Variants in PITPNM3 observed in about 807,000 individuals in gnomAD.
The protein encoded by PITPNM3 is membrane-associated phosphatidylinositol transfer protein 3.
In PITPNM3, 26 loss-of-function variants were observed where a neutral mutation model predicts 102.0. That is an observed-to-expected ratio of 0.25 (90% confidence interval 0.19 to 0.35). The LOEUF is 0.35. Ranked by LOEUF, PITPNM3 falls within the 10% of genes least tolerant of loss-of-function variation. The probability of loss-of-function intolerance (pLI) is 1.00; values close to 1 mark genes in which losing one functional copy is unlikely to be tolerated. For synonymous variants in PITPNM3, 578 were observed against 558.6 expected, an observed-to-expected ratio of 1.03 and a Z score of -0.49; for missense variants, 1,083 against 1,346.1, an observed-to-expected ratio of 0.80 and a Z score of 3.06.
In PITPNM3 at chr17:6,457,566, C is replaced by T. The variant is rs933716937; in HGVS notation, c.2619+28G>A. On this transcript the variant is annotated intron_variant, in intron 19 of 19. Transcript: ENST00000262483. This position sits in a 1 kb window ranked among gnomAD's most constrained non-coding sequence, Gnocchi z 4.7. ...CCTTTCCCTGACCTCCCTCACAACT[C>T]CCCGCCTCCAGCCCCGCCTCCACCC... 2 of 1,611,742 alleles carry T rather than the reference C, an allele frequency of 1.2e-6. No individual in the cohort carries two copies. Among genetic ancestry groups the T allele is most frequent in the Admixed American group, 1.7e-5 (1 of 59,948 alleles).
At position 6,503,561 on chromosome 17, in the gene PITPNM3, C is replaced by T. The variant is rs150367088; in HGVS notation, c.240G>A (p.Ala80=). 80 of 1,611,766 alleles carry T rather than the reference C, an allele frequency of 5.0e-5. 1 individual carries two copies. In the African/African-American group the frequency reaches 5.5e-4, roughly 11 times the overall value. ...KLDEHQGEGT[A]PCTSSILQEK... is the part of the protein sequence containing the mutation. ...CCTGGAGGATGCTGGATGTGCACGG[C>T]GCGGTCCCTTCTCCTGCAGAAAAAG... The change falls in exon 4 of 20, where the codon GCG becomes GCA. Residue 80 remains alanine (A), a synonymous_variant. Transcript: ENST00000262483.
chr17:6,476,383 G>C (rs1905299965), intron 9 of PITPNM3, among the ~76,000 whole-genome samples: 1 of 152,206 alleles, frequency 6.6e-6, no homozygotes, highest in Non-Finnish European at 1.5e-5. Flanking sequence ...TTGGGTCCAA[G>C]TTCAATTAAC....
At chr17:6,487,003 G>A (rs1009330510) in intron 4 of PITPNM3, among the ~76,000 whole-genome samples, 1 of 152,158 alleles carries the variant, frequency 6.6e-6, no homozygotes, top group Non-Finnish European at 1.5e-5. Context: ...TTTCCACCAC[G>A]TGAACTAGTA....
At chr17:6,512,399 C>T (rs754822653) in intron 3 of PITPNM3, among the ~76,000 whole-genome samples, 1 of 152,214 alleles carries the variant, frequency 6.6e-6, no homozygotes, top group Non-Finnish European at 1.5e-5. Flanking sequence ...AGATGTCCAA[C>T]TCAGTGACTG....
chr17:6,515,960 C>T (rs1400059923), intron 3 of PITPNM3, among the ~76,000 whole-genome samples: 2 of 152,098 alleles, frequency 1.3e-5, no homozygotes, highest in African/African-American at 4.8e-5. Context: ...GCCGGAGGAT[C>T]GCTTGAGCCT....
At chr17:6,484,078 A>G in intron 5 of PITPNM3, 138 bp downstream of exon 5, 1 of 966,896 alleles carries the variant, frequency 1.0e-6, no homozygotes, top group African/African-American at 1.6e-5. Context: ...AGCCCAGAGA[A>G]GGACACAGAC....
In PITPNM3 at chr17:6,556,418, CG is replaced by C; in HGVS notation, c.-13del. 7.8e-7 allele frequency: 1 copy of C among 1,280,458 alleles called. No individual in the cohort carries two copies. Among genetic ancestry groups the C allele is most frequent in the Non-Finnish European group, 9.9e-7 (1 of 1,013,384 alleles). 79.3% of individuals were successfully genotyped at this position (1,280,458 alleles called of 1,614,324 possible). ...CCCGCCTTGGCCATGTCCCGGGCGG[CG>C]GGCTCCGGCGGCGCTACGCGCGCTC... is the stretch of plus-strand genomic sequence containing the variant. On this transcript the variant is annotated 5_prime_UTR_variant, in exon 1 of 20. Transcript: ENST00000262483. This position sits in a 1 kb window ranked among gnomAD's most constrained non-coding sequence, Gnocchi z 5.2.
rs1914022079 is a variant in PITPNM3, at chr17:6,455,018, C to T, written c.*320G>A. 2 of 385,410 alleles carry T rather than the reference C, an allele frequency of 5.2e-6. No homozygotes were observed. Among genetic ancestry groups the T allele is most frequent in the Admixed American group, 8.7e-5 (2 of 23,086 alleles). 23.9% of individuals were successfully genotyped at this position (385,410 alleles called of 1,614,324 possible). ...AAGCCTGGGGACGCAGGAGGGTGGT[C>T]GACTTTGCCCAAACGCTTCAGCCCC... is the stretch of plus-strand genomic sequence containing the variant. On this transcript the variant is annotated 3_prime_UTR_variant, in exon 20 of 20. Coordinates refer to ENST00000262483, the MANE Select transcript of PITPNM3 (RefSeq NM_031220.4).
chr17:6,474,550 C>T lies in PITPNM3; in HGVS notation c.1140G>A (p.Pro380=), dbSNP rs370831692. ...DESETPAAGG[P]QLPEVSLGRF... is the part of the protein sequence containing the mutation. Reference sequence around the variant, plus strand: ...GGCCCAGGCTGACCTCAGGGAGCTGCGGCCCCCCAGCCGCCGGGGTCTCAG... The same window carrying T: ...GGCCCAGGCTGACCTCAGGGAGCTGTGGCCCCCCAGCCGCCGGGGTCTCAG... The change falls in exon 10 of 20, where the codon CCG becomes CCA. Residue 380 remains proline (P), a synonymous_variant. Coordinates refer to ENST00000262483, the MANE Select transcript of PITPNM3 (RefSeq NM_031220.4). 40 of 1,603,908 alleles carry T rather than the reference C, an allele frequency of 2.5e-5. No individual in the cohort carries two copies. The highest frequency in any genetic ancestry group is 2.3e-4 in the East Asian group (10 of 44,268).
Position 6,498,552 on chromosome 17 carries a change from C to T in PITPNM3, c.274+4975G>A, listed in dbSNP as rs141813360. On this transcript the variant is annotated intron_variant, in intron 4 of 19. Transcript: ENST00000262483. Reference sequence around the variant, plus strand: ...ATGGGAAGCAGGAAGGCAGGGAGGCCGGGAGGCAGGGAGGCAGGGACGCCA... The same window carrying T: ...ATGGGAAGCAGGAAGGCAGGGAGGCTGGGAGGCAGGGAGGCAGGGACGCCA... 1.3e-3 allele frequency among the ~76,000 whole-genome samples: 205 copies of T among 152,056 alleles called. 2 individuals carry two copies. In the East Asian group the frequency reaches 0.018, roughly 13 times the overall value.
intron 2 of PITPNM3, among the ~76,000 whole-genome samples, chr17:6,532,069 G>A (rs1345996333): frequency 6.6e-6 from 1 of 151,732 alleles, no homozygotes; most frequent in East Asian, 1.9e-4. Context: ...CTGTGCCACT[G>A]CAGTCCAGCC....
At chr17:6,515,614 C>T (rs1908121783) in intron 3 of PITPNM3, among the ~76,000 whole-genome samples, 1 of 152,022 alleles carries the variant, frequency 6.6e-6, no homozygotes, top group Non-Finnish European at 1.5e-5. Flanking sequence ...AGCTGTGTGC[C>T]TCCTTAGATC....
intron 1 of PITPNM3, among the ~76,000 whole-genome samples, chr17:6,544,090 C>A (rs991949266): frequency 6.6e-6 from 1 of 152,222 alleles, no homozygotes; most frequent in South Asian, 2.1e-4. Flanking sequence ...CTGAGCGAGG[C>A]CCTGGTGGGT....
intron 3 of PITPNM3, among the ~76,000 whole-genome samples, chr17:6,522,932 T>C (rs1487528307): frequency 6.6e-6 from 1 of 152,118 alleles, no homozygotes; most frequent in Admixed American, 6.6e-5. Flanking sequence ...GAGCACAGGG[T>C]TGAGCCCCTG....
At chr17:6,551,734 A>C (rs976909781) in intron 1 of PITPNM3, among the ~76,000 whole-genome samples, 1 of 151,736 alleles carries the variant, frequency 6.6e-6, no homozygotes, top group Non-Finnish European at 1.5e-5. Flanking sequence ...GTATTAAAAA[A>C]ATTTTTTTTT....
At chr17:6,480,691 C>T (rs894863510) in intron 6 of PITPNM3, 6 of 152,450 alleles carry the variant, frequency 3.9e-5, no homozygotes, top group Admixed American at 3.3e-4. Context: ...AGTTCCAAAG[C>T]TTCCAGCTGC....
chr17:6,469,325 G>T lies in PITPNM3; in HGVS notation c.1773+935C>A, dbSNP rs927674631. The stretch of plus-strand genomic sequence containing the variant: ...CACACACCCAGACAGTCGTGGATGT[G>T]CCACGTGGGGCACAGGTTTGGGCTG... On this transcript the variant is annotated intron_variant, in intron 13 of 19. Transcript: ENST00000262483. The surrounding 1 kb of genome is among the most constrained non-coding windows in gnomAD (Gnocchi z 4.0). 1.3e-5 allele frequency among the ~76,000 whole-genome samples: 2 copies of T among 152,114 alleles called. No homozygotes were observed. Among genetic ancestry groups the T allele is most frequent in the African/African-American group, 4.8e-5 (2 of 41,424 alleles).
chr17:6,492,347 G>A (rs1327748499), intron 4 of PITPNM3, among the ~76,000 whole-genome samples: 1 of 152,008 alleles, frequency 6.6e-6, no homozygotes, highest in Non-Finnish European at 1.5e-5. Context: ...ACAGACATGA[G>A]CCACTGTGCC....
chr17:6,515,413 A>G (rs948178641), intron 3 of PITPNM3, among the ~76,000 whole-genome samples: 37 of 151,404 alleles, frequency 2.4e-4, no homozygotes, highest in East Asian at 3.9e-4. Context: ...AAAAAAAAAA[A>G]AAAGAAAGAA....
Sources: allele counts gnomAD v4.1 joint callset (sites outside exome capture counted in the v4.1 genomes callset), GRCh38; gene constraint gnomAD v4.1.1; non-coding constraint Gnocchi (gnomAD v3.1); transcripts MANE v1.5; gene names NCBI Gene and HGNC (gene_info 2026-07-23, HGNC 2026-07-21).